XKR4: variants seen among roughly 807,000 people sequenced by gnomAD.
The protein encoded by XKR4 is XK related 4.
In XKR4, 12 loss-of-function variants were observed where a neutral mutation model predicts 53.9. The observed-to-expected ratio is 0.22, with a 90% CI of 0.14 to 0.36. The LOEUF (loss-of-function observed/expected upper bound fraction) is 0.36. XKR4 is among the 10% of genes least tolerant of loss of function. The pLI is 1.00. For missense variants in XKR4, 799 were observed against 859.5 expected (o/e 0.93, Z 0.88); for synonymous variants, 354 against 362.4 (o/e 0.98, Z 0.26).
intron 1 of XKR4, among the ~76,000 whole-genome samples, chr8:55,119,764 A>T (rs1816365936): frequency 6.6e-6 from 1 of 152,228 alleles, no homozygotes; most frequent in South Asian, 2.1e-4. Context: ...TGGACTTGAA[A>T]AATCTTCTGA....
chr8:55,445,947 G>A (rs1020352848), intron 2 of XKR4, among the ~76,000 whole-genome samples: 11 of 152,330 alleles, frequency 7.2e-5, no homozygotes, highest in African/African-American at 9.6e-5. Context: ...AAAGGCCTCC[G>A]ACTGCATACT....
chr8:55,107,693 G>A (rs368612012), intron 1 of XKR4, among the ~76,000 whole-genome samples: 98 of 152,240 alleles, frequency 6.4e-4, no homozygotes, highest in African/African-American at 2.3e-3. Context: ...AGAGGTTCTA[G>A]AGATAAAGAA....
intron 2 of XKR4, among the ~76,000 whole-genome samples, chr8:55,461,060 C>A (rs1361193751): frequency 2.0e-5 from 3 of 152,242 alleles, no homozygotes; most frequent in African/African-American, 7.2e-5. Flanking sequence ...AGGGCACAGA[C>A]AAACAAAAGA....
At chr8:55,421,688 T>TG (rs1323411731) in intron 2 of XKR4, among the ~76,000 whole-genome samples, 1 of 152,238 alleles carries the variant, frequency 6.6e-6, no homozygotes, top group Non-Finnish European at 1.5e-5. Context: ...GGTTTTAGAC[T>TG]GAGACTTGAC....
chr8:55,176,335 C>A (rs1366101360), intron 1 of XKR4, among the ~76,000 whole-genome samples: 3 of 152,228 alleles, frequency 2.0e-5, no homozygotes, highest in African/African-American at 7.2e-5. Flanking sequence ...GTTCGCTCTG[C>A]TAGCCTTGCA....
At chr8:55,397,087 T>A (rs1804530209) in intron 2 of XKR4, among the ~76,000 whole-genome samples, 2 of 152,246 alleles carry the variant, frequency 1.3e-5, no homozygotes, top group Non-Finnish European at 2.9e-5. Flanking sequence ...TTGACTGGCC[T>A]AATTCTATGT....
chr8:55,300,659 C>T lies in XKR4; in HGVS notation c.807-57019C>T, dbSNP rs575513408. ...TACACAAGGGGGAGGAGCAAGCATG[C>T]GGAAATAGCCCTAAAGGGAGAGAGT... On this transcript the variant is annotated intron_variant, in intron 1 of 2. Coordinates refer to ENST00000327381, the MANE Select transcript of XKR4 (RefSeq NM_052898.2). Among the ~76,000 whole-genome samples, 10 of 152,126 alleles carry T rather than the reference C, an allele frequency of 6.6e-5. No individual in the cohort carries two copies. In the South Asian group the frequency reaches 1.0e-3, roughly 16 times the overall value.
chr8:55,136,113 C>G (rs940773358), intron 1 of XKR4, among the ~76,000 whole-genome samples: 1 of 152,128 alleles, frequency 6.6e-6, no homozygotes, highest in Admixed American at 6.6e-5. Context: ...AGGCTGGCCT[C>G]AATCTCCTGA....
chr8:55,235,832 A>G (rs1327913300), intron 1 of XKR4, among the ~76,000 whole-genome samples: 2 of 152,210 alleles, frequency 1.3e-5, no homozygotes, highest in Non-Finnish European at 2.9e-5. Context: ...CTGGGTGCCA[A>G]GTTACAAATT....
At chr8:55,133,694 A>G (rs539377742) in intron 1 of XKR4, among the ~76,000 whole-genome samples, 1 of 152,370 alleles carries the variant, frequency 6.6e-6, no homozygotes, top group African/African-American at 2.4e-5. Flanking sequence ...GAATGTGCTA[A>G]CTAGCCAAAG....
chr8:55,453,636 T>A, intron 2 of XKR4: 1 of 423,598 alleles, frequency 2.4e-6, no homozygotes, highest in Non-Finnish European at 4.5e-6. Context: ...TGGTCCACGA[T>A]CCACTGCATG....
intron 1 of XKR4, among the ~76,000 whole-genome samples, chr8:55,296,080 C>T (rs562108238): frequency 2.6e-5 from 4 of 152,196 alleles, no homozygotes; most frequent in Admixed American, 1.3e-4. Context: ...GCTGGGCTGT[C>T]CTCAGGGGTC....
rs1269233279 is a variant in XKR4, at chr8:55,524,355, TTATC to T, written c.*129_*132del. ...GTTCCTAGTGGGACCGTCATCACCA[TTATC>T]ATTTGATCCTGTCGGCTGGGGGCGG... On this transcript the variant is annotated 3_prime_UTR_variant, in exon 3 of 3. Transcript: ENST00000327381. The T allele has an allele frequency of 4.3e-6, 4 of 929,064 alleles. No individual in the cohort carries two copies. The East Asian group carries it at 7.9e-5, about 18-fold the overall frequency. 57.6% of individuals were successfully genotyped at this position (929,064 alleles called of 1,614,324 possible).
intron 1 of XKR4, among the ~76,000 whole-genome samples, chr8:55,221,771 T>G (rs1201978112): frequency 6.6e-6 from 1 of 152,196 alleles, no homozygotes; most frequent in African/African-American, 2.4e-5. Flanking sequence ...TTACAGCCCC[T>G]TCTCCAGAGG....
chr8:55,135,434 G>A (rs919040633), intron 1 of XKR4: 6 of 339,376 alleles, frequency 1.8e-5, no homozygotes, highest in Non-Finnish European at 3.6e-5. Context: ...TGTATGAATA[G>A]GGACAGAAAG....
At chr8:55,382,483 T>C (rs1039872286) in intron 2 of XKR4, among the ~76,000 whole-genome samples, 1 of 152,178 alleles carries the variant, frequency 6.6e-6, no homozygotes, top group Non-Finnish European at 1.5e-5. Context: ...TTTATAGCAA[T>C]AAAGGTAATC....
intron 2 of XKR4, among the ~76,000 whole-genome samples, chr8:55,521,992 C>A (rs914627488): frequency 6.6e-6 from 1 of 152,130 alleles, no homozygotes; most frequent in Non-Finnish European, 1.5e-5. Flanking sequence ...ATAGATGAGA[C>A]CATTCTTAGT....
chr8:55,484,593 A>G lies in XKR4; in HGVS notation c.1007-38688A>G, dbSNP rs575711923. The stretch of plus-strand genomic sequence containing the variant: ...ATTACATGACATGATGTTTAATTTT[A>G]TGTGTCCACTTGACTGGACCACAGG... On this transcript the variant is annotated intron_variant, in intron 2 of 2. Transcript: ENST00000327381. Among the ~76,000 whole-genome samples, 11 of 152,324 alleles carry G rather than the reference A, an allele frequency of 7.2e-5. No individual in the cohort carries two copies. The South Asian group carries it at 2.3e-3, about 32-fold the overall frequency.
At chr8:55,249,364 T>C (rs1818334806) in intron 1 of XKR4, among the ~76,000 whole-genome samples, 2 of 152,210 alleles carry the variant, frequency 1.3e-5, no homozygotes. Flanking sequence ...GTCTCCTTTC[T>C]GTAGACGCTT....
Sources: allele counts gnomAD v4.1 joint callset (sites outside exome capture counted in the v4.1 genomes callset), GRCh38; gene constraint gnomAD v4.1.1; transcripts MANE v1.5; gene names NCBI Gene and HGNC (gene_info 2026-07-23, HGNC 2026-07-21).